Variants in DNAJC21 observed in about 807,000 individuals in gnomAD.
DNAJC21 encodes the protein DnaJ heat shock protein family (Hsp40) member C21, also known as dnaJ homolog subfamily C member 21.
Under a neutral mutation model 72.4 loss-of-function variants are expected in DNAJC21, and 63 were observed. That is an observed-to-expected ratio of 0.87 (90% CI 0.71 to 1.07). The LOEUF is 1.07. Among genes scored for constraint, DNAJC21 ranks in the 50% least tolerant of loss-of-function variants. The pLI, the probability that DNAJC21 is intolerant of heterozygous loss-of-function variation, is 0.00. For synonymous variants in DNAJC21, 203 were observed against 216.7 expected, an observed-to-expected ratio of 0.94 and a Z score of 0.56; for missense variants, 634 against 644.8, an observed-to-expected ratio of 0.98 and a Z score of 0.18.
chr5:34,937,603 G>A lies in DNAJC21; in HGVS notation c.716G>A (p.Arg239Lys). The change falls in exon 5 of 12, where the codon AGG becomes AAG. Residue 239 changes from arginine (R) to lysine (K), a missense_variant. Coordinates refer to ENST00000648817, the MANE Select transcript of DNAJC21 (RefSeq NM_001012339.3). Reference sequence around the variant, plus strand: ...AAGGCGAGGAAAGCCGAAGAGATGAGGCGGCAGCAGAAGCTAAAGCAGGCC... The same window carrying A: ...AAGGCGAGGAAAGCCGAAGAGATGAAGCGGCAGCAGAAGCTAAAGCAGGCC... ...AEKARKAEEM[R>K]RQQKLKQAKL... The A allele has an allele frequency of 6.2e-7, 1 of 1,613,114 alleles. No homozygotes were observed.
Position 34,950,297 on chromosome 5 carries a change from C to G in DNAJC21, c.1313C>G (p.Thr438Arg). 1 of 1,613,542 alleles carries G rather than the reference C, an allele frequency of 6.2e-7. No homozygotes were observed. The highest frequency in any genetic ancestry group is 8.5e-7 in the Non-Finnish European group (1 of 1,179,780). Reference sequence around the variant, plus strand: ...AGTCCCCAGGAAAATGTCAGTGTCACAGAGATCATTAAACCATGTGATGAT... The same window carrying G: ...AGTCCCCAGGAAAATGTCAGTGTCAGAGAGATCATTAAACCATGTGATGAT... Reference protein sequence around the residue: ...EDSPQENVSVTEIIKPCDDPK... With the variant: ...EDSPQENVSVREIIKPCDDPK... The change falls in exon 10 of 12, where the codon ACA becomes AGA. Residue 438 changes from threonine (T) to arginine (R), a missense_variant. By Grantham distance (71) the Thr-to-Arg change is moderately conservative (BLOSUM62 -1). Coordinates refer to ENST00000648817, the MANE Select transcript of DNAJC21 (RefSeq NM_001012339.3).
At position 34,935,730 on chromosome 5, in the gene DNAJC21, C is replaced by A. The variant is rs1205938785; in HGVS notation, c.212C>A (p.Ala71Asp). The A allele has an allele frequency of 1.2e-6, 2 of 1,613,780 alleles. No individual in the cohort carries two copies. The highest frequency in any genetic ancestry group is 1.7e-6 in the Non-Finnish European group (2 of 1,179,934). Residue 71 changes from alanine (A) to aspartate (D), a missense_variant, in exon 3 of 12, where the codon GCC becomes GAC. Coordinates refer to ENST00000648817, the MANE Select transcript of DNAJC21 (RefSeq NM_001012339.3). ...ERAWYDNHREALLKGGFDGEY... is the reference protein window; with the variant it reads ...ERAWYDNHREDLLKGGFDGEY... ...TTCAGGTATGATAATCATAGAGAGG[C>A]CCTACTTAAAGGTGGGTTTGATGGC...
At position 34,934,043 on chromosome 5, in the gene DNAJC21, C is replaced by T. The variant is rs373153676; in HGVS notation, c.191+135C>T. The T allele has an allele frequency of 2.8e-5, 18 of 644,068 alleles. 1 individual carries two copies. Among genetic ancestry groups the T allele is most frequent in the African/African-American group, 1.3e-4 (7 of 54,434 alleles). The allele number at this position is 644,068 out of a possible 1,614,324, so 39.9% of individuals were successfully genotyped here. On this transcript the variant is annotated intron_variant, in intron 2 of 11. Transcript: ENST00000648817. ...TGAAACATCTGTCACCTAGTCATCA[C>T]ATAAAATCTAACGTTTGGGTCAGAA...
Position 34,937,611 on chromosome 5 carries a change from C to T in DNAJC21, c.724C>T (p.Gln242Ter). Residue 242 changes from glutamine to a stop codon, truncating the protein, a stop_gained, in exon 5 of 12, where the codon CAG (glutamine) becomes TAG (stop). Coordinates refer to ENST00000648817, the MANE Select transcript of DNAJC21 (RefSeq NM_001012339.3). LOFTEE classifies it high-confidence loss of function. Reference sequence around the variant, plus strand: ...GAAAGCCGAAGAGATGAGGCGGCAGCAGAAGCTAAAGCAGGCCAAGTGCGT... The same window carrying T: ...GAAAGCCGAAGAGATGAGGCGGCAGTAGAAGCTAAAGCAGGCCAAGTGCGT... ...ARKAEEMRRQQKLKQAKLVEQ... is the reference protein window; with the variant it reads ...ARKAEEMRRQ The T allele has an allele frequency of 1.9e-6, 3 of 1,612,726 alleles. No individual in the cohort carries two copies. The highest frequency in any genetic ancestry group is 2.5e-6 in the Non-Finnish European group (3 of 1,179,232).
At chr5:34,949,801 T>C (rs1765299126) in intron 9 of DNAJC21, 2 of 1,492,648 alleles carry the variant, frequency 1.3e-6, no homozygotes, top group South Asian at 1.4e-5. Context: ...AAAAGTATCA[T>C]CCTTAATTTT....
chr5:34,951,711 A>G (rs1312423571), intron 10 of DNAJC21: 2 of 823,628 alleles, frequency 2.4e-6, no homozygotes, highest in Non-Finnish European at 2.9e-6. Flanking sequence ...GTATTTTAGT[A>G]GAGACGGTTT....
At chr5:34,937,219 A>G in intron 4 of DNAJC21, 107 bp from the exon 5 acceptor site, 1 of 1,150,676 alleles carries the variant, frequency 8.7e-7, no homozygotes, top group Non-Finnish European at 1.2e-6. Flanking sequence ...GAAGTGTTAT[A>G]TACATGAAAA....
rs756282762 is a variant in DNAJC21, at chr5:34,944,924, A to G, written c.1041A>G (p.Gln347=). ...GGGAAATGGTGGCCTTGCTAAAACA[A>G]CAGCTGGAGGAGGAAGAAGAAAATT... ...KHREMVALLK[Q]QLEEEEENFS... The change falls in exon 8 of 12, where the codon CAA becomes CAG. Residue 347 remains glutamine, a synonymous_variant. Coordinates refer to ENST00000648817, the MANE Select transcript of DNAJC21 (RefSeq NM_001012339.3). 1.9e-6 allele frequency: 3 copies of G among 1,614,176 alleles called. No homozygotes were observed. Among genetic ancestry groups the G allele is most frequent in the Non-Finnish European group, 2.5e-6 (3 of 1,180,018 alleles).
intron 5 of DNAJC21, among the ~76,000 whole-genome samples, chr5:34,937,839 A>C (rs1764845144): frequency 6.6e-6 from 1 of 152,156 alleles, no homozygotes; most frequent in Admixed American, 6.5e-5. Context: ...TCTGTCACCC[A>C]GGCTGGAGTG....
In DNAJC21 at chr5:34,950,008, T is replaced by C. The variant is rs189769738; in HGVS notation, c.1186-162T>C. Among the ~76,000 whole-genome samples, 406 of 152,342 alleles carry C rather than the reference T, an allele frequency of 2.7e-3. 1 individual carries two copies. The highest frequency in any genetic ancestry group is 9.4e-3 in the African/African-American group (390 of 41,582). On this transcript the variant is annotated intron_variant, in intron 9 of 11. Coordinates refer to ENST00000648817, the MANE Select transcript of DNAJC21 (RefSeq NM_001012339.3). ...TTTGAACATTTGGATTCTTTTCAGA[T>C]TTCCCTTAATTTACTATCACTGTAA... is the stretch of plus-strand genomic sequence containing the variant.
Position 34,954,642 on chromosome 5 carries a change from A to G in DNAJC21, c.1524A>G (p.Arg508=), listed in dbSNP as rs778803351. Residue 508 remains arginine (R), a synonymous_variant, in exon 12 of 12, where the codon AGA becomes AGG. Coordinates refer to ENST00000648817, the MANE Select transcript of DNAJC21 (RefSeq NM_001012339.3). ...FDHLKATGHA[R]APSSSSLNSA... Reference sequence around the variant, plus strand: ...ATCTAAAGGCCACAGGTCATGCAAGAGCACCTTCATCATCGTCTTTAAACA... The same window carrying G: ...ATCTAAAGGCCACAGGTCATGCAAGGGCACCTTCATCATCGTCTTTAAACA... 7 of 1,613,676 alleles carry G rather than the reference A, an allele frequency of 4.3e-6. No homozygotes were observed. Among genetic ancestry groups the G allele is most frequent in the Non-Finnish European group, 5.1e-6 (6 of 1,179,900 alleles).
chr5:34,954,669 C>T lies in DNAJC21; in HGVS notation c.1551C>T (p.Ser517=), dbSNP rs539760094. 5.0e-6 allele frequency: 8 copies of T among 1,610,760 alleles called. No individual in the cohort carries two copies. In the East Asian group the frequency reaches 9.0e-5, roughly 18 times the overall value. Reference sequence around the variant, plus strand: ...CACCTTCATCATCGTCTTTAAACAGCGCAACAAGTAGTCAAAGCAAGAAAG... The same window carrying T: ...CACCTTCATCATCGTCTTTAAACAGTGCAACAAGTAGTCAAAGCAAGAAAG... ...ARAPSSSSLN[S]ATSSQSKKEK... is the part of the protein sequence containing the mutation. The change falls in exon 12 of 12, where the codon AGC becomes AGT. Residue 517 remains serine (S), a synonymous_variant. Transcript: ENST00000648817.
At chr5:34,940,504 C>T (rs1169499396) in intron 6 of DNAJC21, among the ~76,000 whole-genome samples, 3 of 151,986 alleles carry the variant, frequency 2.0e-5, no homozygotes, top group Admixed American at 1.3e-4. Context: ...AAATAGAATA[C>T]GGATTTGTGA....
chr5:34,937,650 C>T lies in DNAJC21; in HGVS notation c.743+20C>T. 6.3e-7 allele frequency: 1 copy of T among 1,593,990 alleles called. No individual in the cohort carries two copies. The stretch of plus-strand genomic sequence containing the variant: ...GGCCAAGTGCGTAGCGTGCGTGGGG[C>T]CCTCTTCTCAGTATCGGTGGGGGTC... On this transcript the variant is annotated intron_variant, in intron 5 of 11. Coordinates refer to ENST00000648817, the MANE Select transcript of DNAJC21 (RefSeq NM_001012339.3).
In DNAJC21 at chr5:34,944,966, T is replaced by A. The variant is rs757286625; in HGVS notation, c.1083T>A (p.Ile361=). Residue 361 remains isoleucine (I), a synonymous_variant, in exon 8 of 12, where the codon ATT becomes ATA. Coordinates refer to ENST00000648817, the MANE Select transcript of DNAJC21 (RefSeq NM_001012339.3). The stretch of plus-strand genomic sequence containing the variant: ...AAGAAAATTTTTCAAGACCTCAAAT[T>A]GATGAAAATCCATTAGATGACAATT... ...EEEENFSRPQ[I]DENPLDDNSE... is the part of the protein sequence containing the mutation. 3 of 1,614,080 alleles carry A rather than the reference T, an allele frequency of 1.9e-6. No homozygotes were observed. In the South Asian group the frequency reaches 3.3e-5, roughly 18 times the overall value.
At chr5:34,948,727 T>C (rs535769705) in intron 9 of DNAJC21, among the ~76,000 whole-genome samples, 1 of 152,116 alleles carries the variant, frequency 6.6e-6, no homozygotes, top group Admixed American at 6.6e-5. Context: ...TAGCCGGGCG[T>C]GGTGCCATGC....
chr5:34,946,452 A>T (rs1765177025), intron 9 of DNAJC21, among the ~76,000 whole-genome samples: 1 of 152,132 alleles, frequency 6.6e-6, no homozygotes. Context: ...ATTAACTTAC[A>T]TTAAGTATTA....
chr5:34,935,463 T>A (rs1764736110), intron 2 of DNAJC21, among the ~76,000 whole-genome samples: 1 of 152,222 alleles, frequency 6.6e-6, no homozygotes, highest in South Asian at 2.1e-4. Flanking sequence ...CTTGGCTTTT[T>A]AAATTCCCCT....
At chr5:34,944,753 G>A in intron 7 of DNAJC21, 114 bp from the exon 8 acceptor site, 1 of 1,368,482 alleles carries the variant, frequency 7.3e-7, no homozygotes, top group Non-Finnish European at 1.0e-6. Flanking sequence ...AATCAGAAAC[G>A]TTTTGCTTAG....
Sources: allele counts gnomAD v4.1 joint callset (sites outside exome capture counted in the v4.1 genomes callset), GRCh38; gene constraint gnomAD v4.1.1; transcripts MANE v1.5; gene names NCBI Gene and HGNC (gene_info 2026-07-23, HGNC 2026-07-21).